PIGN: variants seen among roughly 807,000 people sequenced by gnomAD.
PIGN encodes GPI ethanolamine phosphate transferase 1.
PIGN carries 117 observed loss-of-function variants against 125.4 expected under a neutral mutation model. The ratio of observed to expected loss-of-function variants is 0.93; its 90% CI spans 0.80 to 1.09. PIGN has a LOEUF of 1.09. Among genes scored for constraint, PIGN ranks in the 50% least tolerant of loss-of-function variants. The pLI, the probability that PIGN is intolerant of heterozygous loss-of-function variation, is 0.00. For synonymous variants in PIGN, 392 were observed against 377.8 expected, an observed-to-expected ratio of 1.04 and a Z score of -0.44; for missense variants, 1,075 against 1,094.9, an observed-to-expected ratio of 0.98 and a Z score of 0.26.
chr18:62,101,937 CA>C (rs2034452601), intron 21 of PIGN, among the ~76,000 whole-genome samples: 1 of 152,090 alleles, frequency 6.6e-6, no homozygotes, highest in African/African-American at 2.4e-5. Flanking sequence ...AGATTAAAAA[CA>C]AACTGAAGTG....
At chr18:62,134,474 T>C (rs566052187) in intron 14 of PIGN, among the ~76,000 whole-genome samples, 4 of 152,314 alleles carry the variant, frequency 2.6e-5, no homozygotes, top group African/African-American at 7.2e-5. Context: ...TTCTATTTCA[T>C]GAAGACAATA....
chr18:62,114,494 T>G, intron 15 of PIGN, 67 bp downstream of exon 15: 1 of 980,060 alleles, frequency 1.0e-6, no homozygotes, highest in East Asian at 2.6e-5. Flanking sequence ...TACTTTGCTC[T>G]ATTTTTCTCC....
At chr18:62,105,738 C>T in intron 19 of PIGN, 104 bp from the exon 20 acceptor site, 2 of 566,818 alleles carry the variant, frequency 3.5e-6, no homozygotes, top group Non-Finnish European at 6.3e-6. Context: ...AAATGCAAAG[C>T]CTTACAGCTG....
intron 1 of PIGN, among the ~76,000 whole-genome samples, chr18:62,183,907 G>A (rs1004984520): frequency 2.7e-5 from 4 of 150,620 alleles, no homozygotes; most frequent in African/African-American, 7.3e-5. Context: ...TAAAATTGCA[G>A]TTATTACAAA....
rs1305684866 is a variant in PIGN at position 62,107,023 on chromosome 18, C to T, written c.1637G>A (p.Gly546Glu). 1.9e-6 allele frequency: 3 copies of T among 1,591,248 alleles called. No individual in the cohort carries two copies. Among genetic ancestry groups the T allele is most frequent in the Non-Finnish European group, 2.6e-6 (3 of 1,168,544 alleles). ...VLTYPLSHFV[G>E]YLLAFTLGIE... Reference sequence around the variant, plus strand: ...TCCCAGGGTAAAGGCTAACAGGTACCCAACAAAATGGCTCAGAGGATAGGT... The same window carrying T: ...TCCCAGGGTAAAGGCTAACAGGTACTCAACAAAATGGCTCAGAGGATAGGT... Residue 546 changes from glycine to glutamate, a missense_variant, in exon 18 of 31, where the codon GGG becomes GAG. This residue lies in a region of PIGN where 915 missense variants were observed against 908.7 expected (regional missense o/e 1.01). Transcript: ENST00000640252.
intron 30 of PIGN, among the ~76,000 whole-genome samples, chr18:62,071,876 A>ATATATATG (rs1280284699): frequency 2.6e-4 from 14 of 54,178 alleles, no homozygotes; most frequent in African/African-American, 1.5e-3. Flanking sequence ...ATATATATAT[A>ATATATATG]TATATATATA....
intron 23 of PIGN, among the ~76,000 whole-genome samples, chr18:62,095,253 C>A (rs2034131653): frequency 6.6e-6 from 1 of 152,138 alleles, no homozygotes; most frequent in South Asian, 2.1e-4. Flanking sequence ...GAAAAGAATT[C>A]TTCAAAGTTA....
At chr18:62,160,208 C>T (rs189599406) in intron 4 of PIGN, among the ~76,000 whole-genome samples, 1 of 152,290 alleles carries the variant, frequency 6.6e-6, no homozygotes, top group African/African-American at 2.4e-5. Context: ...AGATAAATTT[C>T]CTCTTGAATT....
intron 30 of PIGN, among the ~76,000 whole-genome samples, chr18:62,067,426 C>A (rs1799576515): frequency 6.6e-6 from 1 of 152,184 alleles, no homozygotes; most frequent in Non-Finnish European, 1.5e-5. Flanking sequence ...AAAACAACTT[C>A]AATATATAGA....
chr18:62,157,092 A>G (rs781756550), intron 6 of PIGN, 37 bp downstream of exon 6: 17 of 1,037,530 alleles, frequency 1.6e-5, no homozygotes, highest in Non-Finnish European at 2.5e-5. Context: ...CTTACTCCCT[A>G]TTTACTATCT....
At chr18:62,067,578 T>C (rs920536333) in intron 30 of PIGN, among the ~76,000 whole-genome samples, 1 of 152,226 alleles carries the variant, frequency 6.6e-6, no homozygotes, top group Non-Finnish European at 1.5e-5. Flanking sequence ...GAGTACACTA[T>C]ATACTCTTAC....
At chr18:62,074,897 A>G (rs2033094025) in intron 28 of PIGN, 76 bp from the exon 29 acceptor site, 4 of 974,828 alleles carry the variant, frequency 4.1e-6, no homozygotes, top group Middle Eastern at 2.1e-4. Context: ...TCCAAGTGAG[A>G]CTAGGCAAAT....
At chr18:62,124,465 C>T (rs992551359) in intron 14 of PIGN, among the ~76,000 whole-genome samples, 1 of 152,152 alleles carries the variant, frequency 6.6e-6, no homozygotes, top group African/African-American at 2.4e-5. Flanking sequence ...ATCTCACTAG[C>T]AAGGTAACTA....
intron 22 of PIGN, among the ~76,000 whole-genome samples, chr18:62,096,231 G>T (rs978602394): frequency 6.6e-6 from 1 of 151,942 alleles, no homozygotes; most frequent in Non-Finnish European, 1.5e-5. Context: ...GGAGGCAGAG[G>T]TTGCAGTGAG....
In PIGN at chr18:62,140,441, A is replaced by T; in HGVS notation, c.1002T>A (p.Val334=). ...IAPLMTSLIG[V]PFPLNSVGIL... is the part of the protein sequence containing the mutation. ...TTACCACTGAGTTAAGAGGAAAGGG[A>T]ACTCCAATAAGGGAAGTCATCAATG... The change falls in exon 12 of 31, where the codon GTT becomes GTA. Residue 334 remains valine, a synonymous_variant. Transcript: ENST00000640252. 1 of 1,545,738 alleles carries T rather than the reference A, an allele frequency of 6.5e-7. No homozygotes were observed. The highest frequency in any genetic ancestry group is 8.9e-7 in the Non-Finnish European group (1 of 1,129,750).
chr18:62,025,742 G>C (rs973742214), intron 23 of PIGN, among the ~76,000 whole-genome samples: 3 of 152,014 alleles, frequency 2.0e-5, no homozygotes, highest in Non-Finnish European at 4.4e-5. Context: ...CTAAGCCAAA[G>C]TACCCATATT....
In PIGN at chr18:62,045,940, A is replaced by C. The variant is rs34231046; in HGVS notation, c.2712T>G (p.Phe904Leu). Reference protein sequence around the residue: ...HYVIVMSMTIFLVFLNGLAQL... With the variant: ...HYVIVMSMTILLVFLNGLAQL... The stretch of plus-strand genomic sequence containing the variant: ...GGGCCAGGCCATTGAGGAACACCAA[A>C]AAGATGGTCATGGACATGACAATCA... Residue 904 changes from phenylalanine (F) to leucine (L), a missense_variant, in exon 31 of 31, where the codon TTT becomes TTG. Phe to Leu is a conservative substitution (Grantham distance 22). Coordinates refer to ENST00000640252, the MANE Select transcript of PIGN (RefSeq NM_176787.5). The C allele has an allele frequency of 0.012, 19,071 of 1,613,384 alleles. 151 individuals are homozygous for C. Among genetic ancestry groups the C allele is most frequent in the Non-Finnish European group, 0.014 (16,798 of 1,179,534 alleles).
chr18:62,029,940 C>A (rs957916043), intron 23 of PIGN, among the ~76,000 whole-genome samples: 1 of 152,144 alleles, frequency 6.6e-6, no homozygotes. Flanking sequence ...AGCCTCTCGC[C>A]ACACAAGCTC....
At chr18:62,046,413 T>C (rs2030690204) in intron 30 of PIGN, among the ~76,000 whole-genome samples, 1 of 151,560 alleles carries the variant, frequency 6.6e-6, no homozygotes, top group Admixed American at 6.6e-5. Flanking sequence ...CTCCGCCTCC[T>C]GTCAGATCAG....
Sources: gnomAD v4.1 joint callset for allele counts (sites outside exome capture counted in the v4.1 genomes callset) on GRCh38, gnomAD v4.1.1 for gene constraint, gnomAD v4.1.1 regional missense constraint, MANE v1.5 for transcripts, NCBI Gene and HGNC (gene_info 2026-07-23, HGNC 2026-07-21) for gene names.